SRP68: variants seen among roughly 807,000 people sequenced by gnomAD.
The protein encoded by SRP68 is signal recognition particle subunit SRP68.
In SRP68, 15 loss-of-function variants were observed where a neutral mutation model predicts 82.2. That is an observed-to-expected ratio of 0.18 (90% confidence interval 0.12 to 0.28). The LOEUF (loss-of-function observed/expected upper bound fraction) is 0.28. SRP68 is among the 10% of genes least tolerant of loss of function. The pLI, the probability that SRP68 is intolerant of heterozygous loss-of-function variation, is 1.00. For synonymous variants in SRP68, 261 were observed against 292.6 expected, an observed-to-expected ratio of 0.89 and a Z score of 1.10; for missense variants, 595 against 780.5, an observed-to-expected ratio of 0.76 and a Z score of 2.83.
chr17:76,045,432 G>C, intron 11 of SRP68, 46 bp from the exon 12 acceptor site: 1 of 1,463,142 alleles, frequency 6.8e-7, no homozygotes, highest in Non-Finnish European at 9.5e-7. Flanking sequence ...GTAGATCTTA[G>C]GTTGAATTTT....
At chr17:76,070,495 C>A in intron 1 of SRP68, 51 bp from the exon 2 acceptor site, 3 of 1,459,292 alleles carry the variant, frequency 2.1e-6, no homozygotes, top group South Asian at 1.1e-5. Context: ...CCAAACAAAT[C>A]AAAACCTGTA....
rs1309532236 is a variant in SRP68, at chr17:76,039,418, G to A, written c.*288C>T. On this transcript the variant is annotated 3_prime_UTR_variant, in exon 16 of 16. Transcript: ENST00000307877. ...ACTCCTGAACGCATTACTGACCAAA[G>A]GCAATCAATCACAGCTCACAGGGCA... 4 of 592,182 alleles carry A rather than the reference G, an allele frequency of 6.8e-6. No homozygotes were observed. The highest frequency in any genetic ancestry group is 1.5e-5 in the South Asian group (1 of 65,716). 36.7% of individuals were successfully genotyped at this position (592,182 alleles called of 1,614,324 possible).
At chr17:76,059,398 C>T (rs933826153) in intron 7 of SRP68, among the ~76,000 whole-genome samples, 3 of 151,908 alleles carry the variant, frequency 2.0e-5, no homozygotes, top group Non-Finnish European at 4.4e-5. Flanking sequence ...AAAAATTAGC[C>T]GGGCGTGGTG....
chr17:76,055,349 T>A (rs532376716), intron 8 of SRP68, among the ~76,000 whole-genome samples: 1 of 152,146 alleles, frequency 6.6e-6, no homozygotes. Context: ...TAAGTTCTTC[T>A]ATGGTGATTT....
At position 76,072,090 on chromosome 17, in the gene SRP68, G is replaced by A; in HGVS notation, c.184+218C>T. On this transcript the variant is annotated intron_variant, in intron 1 of 15. Transcript: ENST00000307877. The surrounding 1 kb of genome is among the most constrained non-coding windows in gnomAD (Gnocchi z 4.5). ...GCCTGATATCCCAGTGCCACTGGAA[G>A]AAACGGACCTAGCCAGGACGGCGAG... is the stretch of plus-strand genomic sequence containing the variant. The A allele has an allele frequency of 2.3e-6, 2 of 882,008 alleles. No individual in the cohort carries two copies. Among genetic ancestry groups the A allele is most frequent in the Non-Finnish European group, 3.4e-6 (2 of 596,336 alleles). The allele number at this position is 882,008 out of a possible 1,614,324, so 54.6% of individuals were successfully genotyped here. A position where few individuals can be genotyped will look rare whatever the true frequency, so the allele number is the denominator to read the frequency against.
intron 7 of SRP68, among the ~76,000 whole-genome samples, chr17:76,058,721 A>G (rs940013399): frequency 6.6e-6 from 1 of 152,262 alleles, no homozygotes; most frequent in Non-Finnish European, 1.5e-5. Context: ...CAGGAATGCT[A>G]ATCAGTAGAA....
At chr17:76,058,669 G>T (rs1328122706) in intron 7 of SRP68, among the ~76,000 whole-genome samples, 1 of 152,178 alleles carries the variant, frequency 6.6e-6, no homozygotes, top group Admixed American at 6.5e-5. Flanking sequence ...CTAAGTTTTG[G>T]TAAGGATGTA....
intron 3 of SRP68, among the ~76,000 whole-genome samples, chr17:76,064,751 G>T (rs981975134): frequency 9.4e-5 from 14 of 148,246 alleles, no homozygotes; most frequent in African/African-American, 3.5e-4. Flanking sequence ...TGAGGCAGGA[G>T]TATCTCTTGA....
At chr17:76,062,059 C>T (rs565224893) in intron 4 of SRP68, among the ~76,000 whole-genome samples, 1 of 151,950 alleles carries the variant, frequency 6.6e-6, no homozygotes, top group South Asian at 2.1e-4. Flanking sequence ...CCGAGGTGAA[C>T]GGATCACCTG....
At chr17:76,054,300 G>A (rs372026686) in intron 8 of SRP68, among the ~76,000 whole-genome samples, 2 of 152,118 alleles carry the variant, frequency 1.3e-5, no homozygotes, top group South Asian at 2.1e-4. Flanking sequence ...CTGGAAGGTG[G>A]TAGTATGACT....
intron 4 of SRP68, among the ~76,000 whole-genome samples, chr17:76,062,780 A>AT (rs879053104): frequency 1.0e-5 from 1 of 96,522 alleles, no homozygotes; most frequent in Non-Finnish European, 1.9e-5. Context: ...ATATATATAT[A>AT]TTTTTTTTGA....
intron 4 of SRP68, 71 bp from the exon 5 acceptor site, chr17:76,061,645 G>A: frequency 1.5e-6 from 2 of 1,295,126 alleles, no homozygotes; most frequent in Non-Finnish European, 1.1e-6. Context: ...TTCCTTTATT[G>A]GCTTCTAACT....
At chr17:76,062,764 TA>T (rs1199160459) in intron 4 of SRP68, among the ~76,000 whole-genome samples, 2 of 74,748 alleles carry the variant, frequency 2.7e-5, no homozygotes, top group Non-Finnish European at 4.9e-5. Context: ...TATATATATA[TA>T]AAATATATAT....
intron 11 of SRP68, 91 bp from the exon 12 acceptor site, chr17:76,045,477 G>GTA: frequency 1.1e-6 from 1 of 938,202 alleles, no homozygotes; most frequent in Non-Finnish European, 1.5e-6. Flanking sequence ...ACAAGAGTGA[G>GTA]GAAAAAAAAA....
At chr17:76,051,557 T>C (rs1473404712) in intron 8 of SRP68, among the ~76,000 whole-genome samples, 1 of 152,134 alleles carries the variant, frequency 6.6e-6, no homozygotes, top group Non-Finnish European at 1.5e-5. Context: ...AGAAAAACCC[T>C]TTTTCTTCTC....
intron 10 of SRP68, among the ~76,000 whole-genome samples, chr17:76,046,741 A>G (rs2066635341): frequency 6.6e-6 from 1 of 152,156 alleles, no homozygotes; most frequent in African/African-American, 2.4e-5. Flanking sequence ...GGAGATTGAG[A>G]CCATCCTGGC....
At chr17:76,058,746 G>A (rs191752332) in intron 7 of SRP68, among the ~76,000 whole-genome samples, 297 of 152,322 alleles carry the variant, frequency 1.9e-3, no homozygotes, top group African/African-American at 6.7e-3. Context: ...AAAGACATTT[G>A]TCAGTATGTA....
At chr17:76,067,992 G>A (rs183120771) in intron 2 of SRP68, among the ~76,000 whole-genome samples, 1 of 152,184 alleles carries the variant, frequency 6.6e-6, no homozygotes, top group East Asian at 1.9e-4. Context: ...CTGATGGCGG[G>A]GCCTAGAAAG....
chr17:76,064,755 C>G (rs1327447030), intron 3 of SRP68, among the ~76,000 whole-genome samples: 1 of 149,180 alleles, frequency 6.7e-6, no homozygotes, highest in Non-Finnish European at 1.5e-5. Flanking sequence ...GCAGGAGTAT[C>G]TCTTGAACCG....
Sources: allele counts gnomAD v4.1 joint callset (sites outside exome capture counted in the v4.1 genomes callset), GRCh38; gene constraint gnomAD v4.1.1; non-coding constraint Gnocchi (gnomAD v3.1); transcripts MANE v1.5; gene names NCBI Gene and HGNC (gene_info 2026-07-23, HGNC 2026-07-21).